The following CFAP61 variants were observed in gnomAD, a reference collection of about 807,000 sequenced individuals.
CFAP61 encodes cilia and flagella associated protein 61, also known as cilia- and flagella-associated protein 61.
Under a neutral mutation model 135.6 loss-of-function variants are expected in CFAP61, and 107 were observed. That is an observed-to-expected ratio of 0.79 (90% CI 0.67 to 0.93). The LOEUF is 0.93. Among genes scored for constraint, CFAP61 ranks in the 40% least tolerant of loss-of-function variants. CFAP61 has a pLI of 0.00. For missense variants in CFAP61, 1,507 were observed against 1,556.2 expected, an observed-to-expected ratio of 0.97 and a Z score of 0.53; for synonymous variants, 575 against 578.5, an observed-to-expected ratio of 0.99 and a Z score of 0.09.
At chr20:20,145,268 G>C (rs2424275) in intron 9 of CFAP61, among the ~76,000 whole-genome samples, 137,244 of 152,188 alleles carry the variant, frequency 0.9, 62,692 homozygotes, top group Middle Eastern at 0.99. Context: ...GAGACCCAGA[G>C]GGGAAAAGTA....
chr20:20,231,183 T>G (rs1428091493), intron 18 of CFAP61, among the ~76,000 whole-genome samples: 1 of 152,242 alleles, frequency 6.6e-6, no homozygotes, highest in Non-Finnish European at 1.5e-5. Flanking sequence ...AAGCTCCATG[T>G]GATGAGGCAA....
At chr20:20,268,442 C>T (rs1267445989) in intron 21 of CFAP61, among the ~76,000 whole-genome samples, 1 of 152,204 alleles carries the variant, frequency 6.6e-6, no homozygotes, top group East Asian at 1.9e-4. Context: ...ATTGCAGACG[C>T]ACACAGATAC....
chr20:20,295,578 C>T (rs915716462), intron 24 of CFAP61, among the ~76,000 whole-genome samples: 3 of 152,184 alleles, frequency 2.0e-5, no homozygotes, highest in Admixed American at 6.5e-5. Flanking sequence ...CTGCTGTTTC[C>T]AAACTCAAAT....
chr20:20,297,469 A>G (rs1177587439), intron 24 of CFAP61, among the ~76,000 whole-genome samples: 2 of 152,166 alleles, frequency 1.3e-5, no homozygotes, highest in Non-Finnish European at 2.9e-5. Flanking sequence ...GCCAGTGGGG[A>G]GCCATCCACG....
intron 19 of CFAP61, among the ~76,000 whole-genome samples, chr20:20,251,382 C>G (rs555003592): frequency 1.3e-5 from 2 of 150,966 alleles, no homozygotes; most frequent in Non-Finnish European, 3.0e-5. Context: ...GTGGGCTGAC[C>G]TAAGCCAGGT....
At chr20:20,175,489 TTTTTG>T (rs11467125) in intron 13 of CFAP61, among the ~76,000 whole-genome samples, 2,183 of 145,716 alleles carry the variant, frequency 0.015, 59 homozygotes, top group East Asian at 0.11. Flanking sequence ...TTTTTTTTTG[TTTTTG>T]TTTTGTTTTG....
chr20:20,291,810 C>T (rs2055018240), intron 24 of CFAP61, among the ~76,000 whole-genome samples: 1 of 152,202 alleles, frequency 6.6e-6, no homozygotes, highest in Non-Finnish European at 1.5e-5. Context: ...ACCCATAGTC[C>T]CAGCCCGGTG....
chr20:20,346,056 C>T (rs866655718), intron 26 of CFAP61, among the ~76,000 whole-genome samples: 19 of 138,832 alleles, frequency 1.4e-4, no homozygotes, highest in East Asian at 2.3e-4. Flanking sequence ...CGCCCGCCAC[C>T]GCGCCCGGCT....
chr20:20,069,106 A>G (rs1362672784), intron 2 of CFAP61, among the ~76,000 whole-genome samples: 2 of 152,148 alleles, frequency 1.3e-5, no homozygotes, highest in African/African-American at 2.4e-5. Context: ...TATATTTCCT[A>G]TTAAAATTTT....
At chr20:20,309,166 C>G (rs934529171) in intron 25 of CFAP61, among the ~76,000 whole-genome samples, 1 of 152,148 alleles carries the variant, frequency 6.6e-6, no homozygotes, top group Admixed American at 6.5e-5. Flanking sequence ...TCTTTCCCTC[C>G]TACACCTGAG....
chr20:20,052,814 G>T, intron 1 of CFAP61: 1 of 1,288,788 alleles, frequency 7.8e-7, no homozygotes, highest in Non-Finnish European at 1.1e-6. Context: ...AGCATGCGAC[G>T]GGGCGAGCTG....
At chr20:20,235,057 C>G (rs1485339026) in intron 18 of CFAP61, among the ~76,000 whole-genome samples, 1 of 152,078 alleles carries the variant, frequency 6.6e-6, no homozygotes, top group East Asian at 1.9e-4. Context: ...GGCTGGGGAG[C>G]TGGAGTCTCC....
chr20:20,155,054 A>G (rs1280181553), intron 9 of CFAP61, among the ~76,000 whole-genome samples: 1 of 152,204 alleles, frequency 6.6e-6, no homozygotes, highest in East Asian at 1.9e-4. Flanking sequence ...CCAAAAAAGC[A>G]TGGTACTGGT....
At chr20:20,193,765 C>T (rs887046737) in intron 15 of CFAP61, among the ~76,000 whole-genome samples, 2 of 152,072 alleles carry the variant, frequency 1.3e-5, no homozygotes, top group Non-Finnish European at 2.9e-5. Context: ...AGGTGTGCAC[C>T]ACCACGCACG....
intron 22 of CFAP61, among the ~76,000 whole-genome samples, chr20:20,288,386 ATGAGTGAAT>A (rs1456242634): frequency 6.6e-6 from 1 of 152,186 alleles, no homozygotes; most frequent in African/African-American, 2.4e-5. Context: ...TCTCCACTGG[ATGAGTGAAT>A]TGAGTGAATA....
chr20:20,354,571 AAAG>A (rs1454479329), intron 26 of CFAP61, among the ~76,000 whole-genome samples: 3 of 152,076 alleles, frequency 2.0e-5, no homozygotes, highest in African/African-American at 7.2e-5. Flanking sequence ...TGTGGAATCT[AAAG>A]AAGTTGAATT....
chr20:20,192,071 G>A (rs933309870), intron 15 of CFAP61, among the ~76,000 whole-genome samples: 1 of 151,696 alleles, frequency 6.6e-6, no homozygotes, highest in South Asian at 2.1e-4. Context: ...TTTGTTCTTG[G>A]TTATTTCCTC....
intron 8 of CFAP61, among the ~76,000 whole-genome samples, chr20:20,120,768 C>A (rs2049548974): frequency 6.6e-6 from 1 of 152,136 alleles, no homozygotes; most frequent in African/African-American, 2.4e-5. Context: ...GTCTATCTCT[C>A]CCTTCACATT....
chr20:20,202,502 A>C (rs538108029), intron 17 of CFAP61, among the ~76,000 whole-genome samples: 1 of 152,298 alleles, frequency 6.6e-6, no homozygotes, highest in South Asian at 2.1e-4. Context: ...CTCGGTATTA[A>C]AAAGTTAAAA....
Sources: gnomAD v4.1 joint callset for allele counts (sites outside exome capture counted in the v4.1 genomes callset) on GRCh38, gnomAD v4.1.1 for gene constraint, MANE v1.5 for transcripts, NCBI Gene and HGNC (gene_info 2026-07-23, HGNC 2026-07-21) for gene names.